The following CCDC33 variants were observed in gnomAD, a reference collection of about 807,000 sequenced individuals.
CCDC33 encodes coiled-coil domain-containing protein 33.
A neutral mutation model predicts 91.9 loss-of-function variants in CCDC33; 94 were observed. That is an observed-to-expected ratio of 1.02 (90% CI 0.87 to 1.21). The LOEUF is 1.21. CCDC33 is among the 50% of genes most tolerant of loss of function. The pLI is 0.00. For synonymous variants in CCDC33, 396 were observed against 374.5 expected, an observed-to-expected ratio of 1.06 and a Z score of -0.66; for missense variants, 940 against 935.5, an observed-to-expected ratio of 1.00 and a Z score of -0.06.
At chr15:74,246,144 A>G (rs2075522391) in intron 2 of CCDC33, among the ~76,000 whole-genome samples, 1 of 152,262 alleles carries the variant, frequency 6.6e-6, no homozygotes, top group South Asian at 2.1e-4. Context: ...CGTTTTGTTC[A>G]TGATGAATAT....
chr15:74,229,987 C>T (rs1212051661), intron 2 of CCDC33, among the ~76,000 whole-genome samples: 2 of 152,234 alleles, frequency 1.3e-5, no homozygotes, highest in Non-Finnish European at 2.9e-5. Context: ...AGGTTGTGCA[C>T]AATTCAATTG....
intron 10 of CCDC33, among the ~76,000 whole-genome samples, chr15:74,293,686 G>A (rs1395275355): frequency 2.0e-5 from 3 of 150,182 alleles, no homozygotes; most frequent in Non-Finnish European, 2.9e-5. Flanking sequence ...GATGCCCACA[G>A]ACAAAACAGG....
chr15:74,323,499 G>A (rs189484757), intron 11 of CCDC33, among the ~76,000 whole-genome samples: 1 of 150,798 alleles, frequency 6.6e-6, no homozygotes, highest in African/African-American at 2.4e-5. Flanking sequence ...TTCTGTCCTT[G>A]CTTTGCTTCT....
intron 1 of CCDC33, chr15:74,209,014 T>C: frequency 4.7e-6 from 5 of 1,074,174 alleles, no homozygotes; most frequent in Non-Finnish European, 5.6e-6. Context: ...GCACCTGCTT[T>C]AAAAGGTGTT....
intron 7 of CCDC33, among the ~76,000 whole-genome samples, chr15:74,274,882 C>G (rs1399392612): frequency 1.3e-5 from 2 of 152,218 alleles, no homozygotes; most frequent in African/African-American, 4.8e-5. Context: ...ATCACCCAAC[C>G]CCATGGCAGC....
chr15:74,290,992 A>G (rs2059573941), intron 10 of CCDC33, among the ~76,000 whole-genome samples: 1 of 152,216 alleles, frequency 6.6e-6, no homozygotes, highest in Non-Finnish European at 1.5e-5. Context: ...CCCCAACAGA[A>G]TTTTTAAAAA....
At chr15:74,284,031 G>T (rs553329937) in intron 10 of CCDC33, among the ~76,000 whole-genome samples, 2 of 152,320 alleles carry the variant, frequency 1.3e-5, no homozygotes, top group South Asian at 4.1e-4. Flanking sequence ...CTATTTCTTG[G>T]TAAACTATCT....
chr15:74,305,834 A>G (rs1279553422), intron 11 of CCDC33, among the ~76,000 whole-genome samples: 2 of 152,152 alleles, frequency 1.3e-5, no homozygotes, highest in Non-Finnish European at 2.9e-5. Context: ...CCCAGCAGGT[A>G]TGAGTTCCAT....
At chr15:74,221,115 T>G in intron 2 of CCDC33, 2 of 778,460 alleles carry the variant, frequency 2.6e-6, no homozygotes, top group Non-Finnish European at 3.1e-6. Context: ...TTATCCTCAG[T>G]CCTGACTGTG....
rs1220030681 is a variant in CCDC33 at position 74,219,941 on chromosome 15, C to A, written c.675+1080C>A. Among the ~76,000 whole-genome samples, 3 of 152,130 alleles carry A rather than the reference C, an allele frequency of 2.0e-5. No individual in the cohort carries two copies. The East Asian group carries it at 5.8e-4, about 29-fold the overall frequency. ...CAACCAAAGGCTCTTGGCCCATCTGCGGTGCTTCTCTCCCTGCAGTGCATT... is the reference window on the plus strand; with the variant it reads ...CAACCAAAGGCTCTTGGCCCATCTGAGGTGCTTCTCTCCCTGCAGTGCATT... On this transcript the variant is annotated intron_variant, in intron 2 of 2. Transcript: ENST00000635913.
At chr15:74,216,397 C>A (rs1454193644), upstream of CCDC33, among the ~76,000 whole-genome samples, 1 of 150,986 alleles carries the variant, frequency 6.6e-6, no homozygotes, top group Non-Finnish European at 1.5e-5. Context: ...GAAGGGATCT[C>A]CTGAATTTCA....
At chr15:74,232,715 A>C (rs901377962), upstream of CCDC33, among the ~76,000 whole-genome samples, 2 of 152,228 alleles carry the variant, frequency 1.3e-5, no homozygotes, top group African/African-American at 4.8e-5. Flanking sequence ...GTCCTTATCC[A>C]GTGGGAGAAT....
upstream of CCDC33, among the ~76,000 whole-genome samples, chr15:74,233,073 T>G (rs1468029618): frequency 6.6e-6 from 1 of 152,198 alleles, no homozygotes; most frequent in East Asian, 1.9e-4. Flanking sequence ...AAATCCAATG[T>G]GTTCTCAGGG....
intron 1 of CCDC33, chr15:74,209,101 C>T: frequency 7.6e-7 from 1 of 1,308,328 alleles, no homozygotes; most frequent in African/African-American, 1.5e-5. Context: ...CACAGACCTC[C>T]CGCCCTTGAT....
rs186936120 is a variant in CCDC33, at chr15:74,205,811, C to T, written n.89+2713C>T. On this transcript the variant is annotated intron_variant and non_coding_transcript_variant, in intron 1 of 3. Coordinates refer to the CCDC33 transcript ENST00000558645. ...CCCTCCTCATGGGAAGACACAGAGG[C>T]CACCAAGGGAGGCCCTAAGCAGAGG... Among the ~76,000 whole-genome samples the T allele has an allele frequency of 2.6e-4, 39 of 152,326 alleles. No homozygotes were observed. The East Asian group carries it at 6.0e-3, about 23-fold the overall frequency.
chr15:74,322,020 G>A (rs2060217155), intron 11 of CCDC33, among the ~76,000 whole-genome samples: 1 of 152,184 alleles, frequency 6.6e-6, no homozygotes, highest in Non-Finnish European at 1.5e-5. Context: ...TGGGCCCATG[G>A]GTGGAGTGGC....
Position 74,280,077 on chromosome 15 carries a change from T to G in CCDC33, c.874T>G (p.Tyr292Asp), listed in dbSNP as rs780955188. ...AGACACAGCCCTGGTGCTGGAGTAC[T>G]ACTCCTCAACTTCAAGTACGTGACC... ...SEDTALVLEYYSSTSMKGSQP... is the reference protein window; with the variant it reads ...SEDTALVLEYDSSTSMKGSQP... Residue 292 changes from tyrosine to aspartate, a missense_variant, in exon 8 of 19, where the codon TAC becomes GAC. Physicochemically the swap from Tyr to Asp is radical, Grantham distance 160. Transcript: ENST00000398814. 7 of 1,614,084 alleles carry G rather than the reference T, an allele frequency of 4.3e-6. No homozygotes were observed. The East Asian group carries it at 1.6e-4, about 36-fold the overall frequency.
chr15:74,243,959 ACACT>A (rs1210059670), intron 1 of CCDC33, 22 bp from the exon 2 acceptor site: 9 of 1,531,136 alleles, frequency 5.9e-6, no homozygotes, highest in Non-Finnish European at 7.8e-6. Flanking sequence ...AAAAAAAAAA[ACACT>A]CAGCCCTGGC....
chr15:74,321,099 C>T (rs2060197660), intron 11 of CCDC33, among the ~76,000 whole-genome samples: 1 of 152,188 alleles, frequency 6.6e-6, no homozygotes, highest in African/African-American at 2.4e-5. Context: ...CTCCATCCTC[C>T]CCGACTTGTC....
Sources: allele counts gnomAD v4.1 joint callset (sites outside exome capture counted in the v4.1 genomes callset), GRCh38; gene constraint gnomAD v4.1.1; transcripts MANE v1.5; gene names NCBI Gene and HGNC (gene_info 2026-07-23, HGNC 2026-07-21).